UROS: variants seen among roughly 807,000 people sequenced by gnomAD.
UROS encodes uroporphyrinogen-III synthase.
A neutral mutation model predicts 33.0 loss-of-function variants in UROS; 18 were observed. That is an observed-to-expected ratio of 0.55 (90% CI 0.38 to 0.81). The LOEUF is 0.81. Ranked by LOEUF, UROS falls within the 30% of genes least tolerant of loss-of-function variation. UROS has a pLI of 0.00. For synonymous variants in UROS, 114 were observed against 121.1 expected (o/e 0.94, Z 0.38); for missense variants, 293 against 314.9 (o/e 0.93, Z 0.53).
intron 6 of UROS, among the ~76,000 whole-genome samples, chr10:125,799,530 G>C (rs1851637114): frequency 6.6e-6 from 1 of 152,204 alleles, no homozygotes; most frequent in Non-Finnish European, 1.5e-5. Flanking sequence ...GCCTTGGAAA[G>C]AGTCAGGAAT....
chr10:125,802,835 G>A (rs1184965564), intron 6 of UROS: 5 of 1,489,580 alleles, frequency 3.4e-6, no homozygotes, highest in Non-Finnish European at 4.5e-6. Context: ...CTGGAGATGA[G>A]TTGAGGTCAG....
chr10:125,795,990 C>G (rs1589934928), intron 8 of UROS, 113 bp downstream of exon 8: 1 of 927,770 alleles, frequency 1.1e-6, no homozygotes, highest in Non-Finnish European at 1.8e-6. Flanking sequence ...CAGGTGACAG[C>G]TGGGGACAGT....
chr10:125,794,696 C>T (rs999597463), intron 9 of UROS, among the ~76,000 whole-genome samples, 184 bp downstream of exon 9: 4 of 152,124 alleles, frequency 2.6e-5, no homozygotes, highest in East Asian at 1.9e-4. Context: ...AGTGAGGAAA[C>T]GGGCTGGGAG....
At chr10:125,802,206 C>T in intron 6 of UROS, 1 of 985,542 alleles carries the variant, frequency 1.0e-6, no homozygotes, top group Non-Finnish European at 1.2e-6. Flanking sequence ...CCAGGAACCC[C>T]TGGAGCGAAC....
chr10:125,815,557 G>GATAATGGATAA (rs1853244669), intron 3 of UROS, among the ~76,000 whole-genome samples: 6 of 152,170 alleles, frequency 3.9e-5, no homozygotes, highest in African/African-American at 1.2e-4. Flanking sequence ...GGATAATGGT[G>GATAATGGATAA]ATATCATCTA....
rs1853303230 is a variant in UROS at position 125,816,201 on chromosome 10, C to G, written c.123G>C (p.Leu41Phe). The G allele has an allele frequency of 2.5e-6, 4 of 1,614,044 alleles. No homozygotes were observed. The African/African-American group carries it at 4.0e-5, about 16-fold the overall frequency. The change falls in exon 3 of 10, where the codon TTG (leucine) becomes TTC (phenylalanine). Residue 41 changes from leucine to phenylalanine, a missense_variant. Leu to Phe is a conservative substitution (Grantham distance 22). Transcript: ENST00000368797. Reference sequence around the variant, plus strand: ...CCTTCTCAGAGAAACTGGGAAGAGACAAAAACTCAAACGATAAAACAGGGA... The same window carrying G: ...CCTTCTCAGAGAAACTGGGAAGAGAGAAAAACTCAAACGATAAAACAGGGA... ...TLIPVLSFEFLSLPSFSEKLS... is the reference protein window; with the variant it reads ...TLIPVLSFEFFSLPSFSEKLS...
intron 1 of UROS, among the ~76,000 whole-genome samples, chr10:125,817,824 C>T (rs188668495): frequency 9.3e-4 from 142 of 152,220 alleles, no homozygotes; most frequent in Admixed American, 2.0e-4. Context: ...TAACCCCCTA[C>T]GCTATATTAT....
chr10:125,798,205 TG>T, intron 6 of UROS, 60 bp from the exon 7 acceptor site: 2 of 1,571,740 alleles, frequency 1.3e-6, no homozygotes, highest in South Asian at 1.1e-5. Flanking sequence ...CACAGGGGAA[TG>T]GGGAGGGGCA....
intron 1 of UROS, among the ~76,000 whole-genome samples, chr10:125,822,204 A>C (rs1853985873): frequency 6.6e-6 from 1 of 152,190 alleles, no homozygotes; most frequent in Non-Finnish European, 1.5e-5. Flanking sequence ...CCCAGGCTGC[A>C]TCCCCACCTG....
intron 9 of UROS, among the ~76,000 whole-genome samples, chr10:125,791,012 A>G (rs918643536): frequency 1.3e-5 from 2 of 151,776 alleles, no homozygotes; most frequent in African/African-American, 4.8e-5. Flanking sequence ...GAATAGCTTG[A>G]ACCCCAGAGG....
At chr10:125,800,007 T>A (rs1274080171) in intron 6 of UROS, among the ~76,000 whole-genome samples, 2 of 152,138 alleles carry the variant, frequency 1.3e-5, no homozygotes, top group Non-Finnish European at 2.9e-5. Flanking sequence ...TGCTCTCCGT[T>A]CGTTTAACAG....
At chr10:125,796,902 C>T (rs779656875) in intron 7 of UROS, 2 of 980,162 alleles carry the variant, frequency 2.0e-6, no homozygotes, top group East Asian at 2.3e-4. Context: ...GAAATGATAA[C>T]TTCAGCATAA....
In UROS at chr10:125,788,952, AG is replaced by A; in HGVS notation, c.713del (p.Pro238LeufsTer2). The A allele has an allele frequency of 6.2e-7, 1 of 1,611,622 alleles. No individual in the cohort carries two copies. On this transcript the variant is annotated frameshift_variant, in exon 10 of 10. Transcript: ENST00000368797. LOFTEE classifies it low-confidence loss of function (END_TRUNC). The stretch of plus-strand genomic sequence containing the variant: ...TGGGGCTCTCTGCAGTGCAGCTTAC[AG>A]GAAGGCCCTGGGCGGCCAGCGCGCG... ...TARALAAQGLPVSCTAESPTP... is the reference protein window; with the variant it reads ...TARALAAQGLXVSCTAESPTP...
chr10:125,806,488 G>A (rs915370797), intron 6 of UROS, among the ~76,000 whole-genome samples: 2 of 152,206 alleles, frequency 1.3e-5, no homozygotes, highest in Non-Finnish European at 2.9e-5. Flanking sequence ...GAAAACTCTA[G>A]CCTGGGGTCA....
chr10:125,802,211 G>A (rs760714113), intron 6 of UROS: 1 of 985,522 alleles, frequency 1.0e-6, no homozygotes, highest in Non-Finnish European at 1.2e-6. Context: ...AACCCCTGGA[G>A]CGAACCCTCC....
intron 1 of UROS, among the ~76,000 whole-genome samples, chr10:125,816,884 G>C (rs1002334208): frequency 8.5e-5 from 13 of 152,174 alleles, no homozygotes; most frequent in African/African-American, 3.1e-4. Context: ...GAGATAAATA[G>C]CTTTTCCATT....
chr10:125,816,175 A>ACCTT lies in UROS; in HGVS notation c.145_147+1dup. On this transcript the variant is annotated splice_donor_variant, in intron 3 of 9. Coordinates refer to ENST00000368797, the MANE Select transcript of UROS (RefSeq NM_000375.3). LOFTEE classifies it high-confidence loss of function. ...ATGGTGCTCAGTCACAACAGGCCTT[A>ACCTT]CCTTCTCAGAGAAACTGGGAAGAGA... 1 of 1,613,910 alleles carries ACCTT rather than the reference A, an allele frequency of 6.2e-7. No homozygotes were observed. Among genetic ancestry groups the ACCTT allele is most frequent in the Non-Finnish European group, 8.5e-7 (1 of 1,179,758 alleles).
intron 5 of UROS, among the ~76,000 whole-genome samples, chr10:125,808,501 G>A (rs538259120): frequency 5.3e-4 from 80 of 152,232 alleles, no homozygotes; most frequent in African/African-American, 1.9e-3. Flanking sequence ...AAAAACAAAA[G>A]TAAACAAAAA....
intron 1 of UROS, among the ~76,000 whole-genome samples, 169 bp downstream of exon 1, chr10:125,822,860 C>G (rs568847472): frequency 6.6e-6 from 1 of 152,324 alleles, no homozygotes; most frequent in Non-Finnish European, 1.5e-5. Flanking sequence ...CAGGCGCCTT[C>G]CGTCACCGGC....
Sources: allele counts gnomAD v4.1 joint callset (sites outside exome capture counted in the v4.1 genomes callset), GRCh38; gene constraint gnomAD v4.1.1; transcripts MANE v1.5; gene names NCBI Gene and HGNC (gene_info 2026-07-23, HGNC 2026-07-21).